TMBIM6: variants seen among roughly 807,000 people sequenced by gnomAD.
TMBIM6 encodes bax inhibitor 1.
TMBIM6 carries 13 observed loss-of-function variants against 31.4 expected under a neutral mutation model. That is an observed-to-expected ratio of 0.41 (90% CI 0.27 to 0.66). TMBIM6 has a LOEUF of 0.66. TMBIM6 is among the 30% of genes least tolerant of loss of function. TMBIM6 has a pLI of 0.28. For missense variants in TMBIM6, 275 were observed against 289.5 expected, an observed-to-expected ratio of 0.95 and a Z score of 0.36; for synonymous variants, 85 against 101.7, an observed-to-expected ratio of 0.84 and a Z score of 0.99.
In TMBIM6 at chr12:49,752,554, G is replaced by A. The variant is rs1209541962; in HGVS notation, c.56+5G>A. 6.2e-7 allele frequency: 1 copy of A among 1,610,234 alleles called. No homozygotes were observed. Among genetic ancestry groups the A allele is most frequent in the African/African-American group, 1.3e-5 (1 of 74,924 alleles). ...GCTTTTAAAATTTTCTCATATGTAA[G>A]TGTTTTGACCTTGACTGGTTTTGTA... On this transcript the variant is annotated splice_donor_5th_base_variant and intron_variant, in intron 2 of 9. Transcript: ENST00000267115.
chr12:49,759,197 A>AT, intron 7 of TMBIM6, 24 bp from the exon 8 acceptor site: 1 of 1,602,220 alleles, frequency 6.2e-7, no homozygotes, highest in Non-Finnish European at 8.6e-7. Flanking sequence ...GCTGTATAGT[A>AT]ACTTCATCTC....
In TMBIM6 at chr12:49,764,462, C is replaced by T. The variant is rs1006708227; in HGVS notation, c.*1566C>T. Reference sequence around the variant, plus strand: ...TTATTCCTGGAGTGACATGCCACCCCGAATGGCTCACTTTCACTGAGGATG... The same window carrying T: ...TTATTCCTGGAGTGACATGCCACCCTGAATGGCTCACTTTCACTGAGGATG... On this transcript the variant is annotated 3_prime_UTR_variant, in exon 10 of 10. Transcript: ENST00000267115. 2 of 152,454 alleles carry T rather than the reference C, an allele frequency of 1.3e-5. No individual in the cohort carries two copies. The highest frequency in any genetic ancestry group is 6.6e-5 in the Admixed American group (1 of 15,256). The allele number at this position is 152,454 out of a possible 1,614,324, so 9.4% of individuals were successfully genotyped here.
intron 3 of TMBIM6, among the ~76,000 whole-genome samples, chr12:49,753,767 C>T (rs11169143): frequency 0.12 from 18,250 of 152,186 alleles, 1,658 homozygotes; most frequent in African/African-American, 0.26. Flanking sequence ...TTACTTTAGA[C>T]ACTCAAAGGA....
chr12:49,749,936 C>CT (rs1384231027), intron 1 of TMBIM6: 1 of 152,096 alleles, frequency 6.6e-6, no homozygotes, highest in African/African-American at 2.4e-5. Context: ...CCTTTTGCGT[C>CT]TATAATATTT....
chr12:49,759,393 G>A, intron 8 of TMBIM6, 72 bp downstream of exon 8: 2 of 1,357,650 alleles, frequency 1.5e-6, no homozygotes, highest in Middle Eastern at 3.6e-4. Flanking sequence ...ACTTAGGTTG[G>A]CATTGGCTGA....
In TMBIM6 at chr12:49,759,287, G is replaced by A; in HGVS notation, c.580G>A (p.Glu194Lys). Residue 194 changes from glutamate (E) to lysine (K), a missense_variant, in exon 8 of 10, where the codon GAA (glutamate) becomes AAA (lysine). Transcript: ENST00000267115. ...CCTTTTTGATACTCAACTCATTATT[G>A]AAAAGGCCGAACATGGAGATCAAGA... ...FVLFDTQLIIEKAEHGDQDYI... is the reference protein window; with the variant it reads ...FVLFDTQLIIKKAEHGDQDYI... The A allele has an allele frequency of 6.2e-7, 1 of 1,614,028 alleles. No homozygotes were observed. Among genetic ancestry groups the A allele is most frequent in the Non-Finnish European group, 8.5e-7 (1 of 1,180,000 alleles).
Position 49,753,090 on chromosome 12 carries a change from G to A in TMBIM6, c.165+9G>A, listed in dbSNP as rs761080090. On this transcript the variant is annotated intron_variant, in intron 3 of 9. Transcript: ENST00000267115. ...TCACTCATTTCATTCAGGTAAGAAC[G>A]ATTTTCTCTCCTGGTTGCTGTGGTA... 14 of 1,607,556 alleles carry A rather than the reference G, an allele frequency of 8.7e-6. No individual in the cohort carries two copies. The highest frequency in any genetic ancestry group is 2.2e-5 in the East Asian group (1 of 44,716).
intron 1 of TMBIM6, among the ~76,000 whole-genome samples, chr12:49,748,941 C>T (rs1181451462): frequency 6.6e-6 from 1 of 151,986 alleles, no homozygotes; most frequent in African/African-American, 2.4e-5. Context: ...GGAATGTTAG[C>T]GAGTTACTTG....
intron 9 of TMBIM6, chr12:49,761,984 C>T: frequency 1.9e-6 from 1 of 539,064 alleles, no homozygotes; most frequent in Non-Finnish European, 3.3e-6. Flanking sequence ...TAACTAATTC[C>T]TGCGTTTAGT....
intron 1 of TMBIM6, chr12:49,742,031 T>TCC: frequency 6.7e-7 from 1 of 1,487,390 alleles, no homozygotes; most frequent in Non-Finnish European, 9.0e-7. Context: ...AACGCGAAAC[T>TCC]CCACCCATCC....
chr12:49,742,608 G>A (rs1439034934), intron 1 of TMBIM6: 1 of 207,188 alleles, frequency 4.8e-6, no homozygotes, highest in Non-Finnish European at 9.6e-6. Context: ...AAGGTCAAAG[G>A]TAAATAAATG....
chr12:49,754,935 T>G (rs1305321353), intron 3 of TMBIM6, among the ~76,000 whole-genome samples: 1 of 152,136 alleles, frequency 6.6e-6, no homozygotes, highest in Non-Finnish European at 1.5e-5. Context: ...CTTGGTGTTT[T>G]GGTGTTTGGG....
chr12:49,754,576 C>T (rs1037950034), intron 3 of TMBIM6, among the ~76,000 whole-genome samples: 1 of 152,140 alleles, frequency 6.6e-6, no homozygotes, highest in African/African-American at 2.4e-5. Flanking sequence ...CCTTTTATTT[C>T]CCTCAGGAAC....
chr12:49,744,096 AAG>A (rs1223889862), intron 1 of TMBIM6, among the ~76,000 whole-genome samples: 17 of 152,326 alleles, frequency 1.1e-4, no homozygotes, highest in Admixed American at 1.1e-3. Flanking sequence ...GAACTTAAAA[AAG>A]ATGTATAAAA....
Position 49,762,985 on chromosome 12 carries a change from A to G in TMBIM6, c.*89A>G. The G allele has an allele frequency of 1.4e-6, 2 of 1,379,794 alleles. No individual in the cohort carries two copies. Among genetic ancestry groups the G allele is most frequent in the East Asian group, 4.6e-5 (2 of 43,156 alleles). 85.5% of individuals were successfully genotyped at this position (1,379,794 alleles called of 1,614,324 possible). ...CACATTACAGGTGGTGTGTTCTGTG[A>G]TAATGAAAAGCATCAGAAAAGCTTT... is the stretch of plus-strand genomic sequence containing the variant. On this transcript the variant is annotated 3_prime_UTR_variant, in exon 10 of 10. Coordinates refer to ENST00000267115, the MANE Select transcript of TMBIM6 (RefSeq NM_003217.3).
Position 49,763,515 on chromosome 12 carries a change from C to T in TMBIM6, c.*619C>T, listed in dbSNP as rs1461918905. ...TTCACAAAAGTAATGTGTTCCCTTT[C>T]CCACCCCTTGCCTGACCCTCAGGGA... On this transcript the variant is annotated 3_prime_UTR_variant, in exon 10 of 10. Transcript: ENST00000267115. 6.6e-6 allele frequency: 1 copy of T among 152,346 alleles called. No individual in the cohort carries two copies. The highest frequency in any genetic ancestry group is 1.5e-5 in the Non-Finnish European group (1 of 68,144). 9.4% of individuals were successfully genotyped at this position (152,346 alleles called of 1,614,324 possible).
chr12:49,759,625 C>T (rs1445876665), intron 8 of TMBIM6, among the ~76,000 whole-genome samples: 4 of 151,708 alleles, frequency 2.6e-5, no homozygotes, highest in Admixed American at 1.3e-4. Flanking sequence ...GGCAACATGG[C>T]GAAATCCCAT....
chr12:49,750,841 T>A (rs1283686341), intron 1 of TMBIM6: 1 of 152,238 alleles, frequency 6.6e-6, no homozygotes. Context: ...CAGGATTCCT[T>A]AGGAAATTTG....
chr12:49,748,535 C>A (rs1156615832), intron 1 of TMBIM6, among the ~76,000 whole-genome samples: 2 of 152,232 alleles, frequency 1.3e-5, no homozygotes, highest in African/African-American at 4.8e-5. Context: ...AGAATGATGA[C>A]ACTTCAGCAA....
Sources: allele counts gnomAD v4.1 joint callset (sites outside exome capture counted in the v4.1 genomes callset), GRCh38; gene constraint gnomAD v4.1.1; transcripts MANE v1.5; gene names NCBI Gene and HGNC (gene_info 2026-07-23, HGNC 2026-07-21).